KCNH2: variants seen among roughly 807,000 people sequenced by gnomAD.
The protein encoded by KCNH2 is potassium voltage-gated channel subfamily H member 2.
In KCNH2, 35 loss-of-function variants were observed where a neutral mutation model predicts 95.9. The observed-to-expected ratio is 0.37, with a 90% CI of 0.28 to 0.48. KCNH2 has a LOEUF of 0.48. Ranked by LOEUF, KCNH2 falls within the 20% of genes least tolerant of loss-of-function variation. KCNH2 has a pLI of 0.99. For missense variants in KCNH2, 1,274 were observed against 1,702.9 expected (o/e 0.75, Z 4.43); for synonymous variants, 786 against 754.7 (o/e 1.04, Z -0.68).
intron 2 of KCNH2, among the ~76,000 whole-genome samples, chr7:150,974,210 G>A (rs941662934): frequency 3.9e-5 from 6 of 152,202 alleles, no homozygotes; most frequent in Admixed American, 1.3e-4. Context: ...GCAGGAGGGG[G>A]GCAGCAGAGA....
intron 9 of KCNH2, chr7:150,949,604 A>G (rs961319013): frequency 1.6e-5 from 17 of 1,082,964 alleles, no homozygotes; most frequent in Non-Finnish European, 1.8e-5. Context: ...ATGTCCTACC[A>G]TCAACTATGG....
Position 150,962,977 on chromosome 7 carries a change from G to T in KCNH2, c.308-3241C>A, listed in dbSNP as rs879332042. 1.3e-5 allele frequency among the ~76,000 whole-genome samples: 2 copies of T among 152,172 alleles called. No individual in the cohort carries two copies. Among genetic ancestry groups the T allele is most frequent in the African/African-American group, 2.4e-5 (1 of 41,454 alleles). ...TCCATCCCACCACTGGCTGGGTTAT[G>T]GGGGGATGGGAGTCCCTTCACTTGC... is the stretch of plus-strand genomic sequence containing the variant. On this transcript the variant is annotated intron_variant, in intron 2 of 14. Transcript: ENST00000262186. The surrounding 1 kb of genome is among the most constrained non-coding windows in gnomAD (Gnocchi z 5.7).
At position 150,948,476 on chromosome 7, in the gene KCNH2, C is replaced by G. The variant is rs199473432; in HGVS notation, c.2660G>C (p.Arg887Pro). The change falls in exon 11 of 15, where the codon CGC (arginine) becomes CCC (proline). Residue 887 changes from arginine (R) to proline (P), a missense_variant. This residue lies in a region of KCNH2 where 457 missense variants were observed against 416.1 expected (regional missense o/e 1.10). Transcript: ENST00000262186. ...CGTGCGCCTGCGGAAGGACAACTTG[C>G]GCTTGCGTTGCCGACTGAAGCCACC... Reference protein sequence around the residue: ...LEGGFSRQRKRKLSFRRRTDK... With the variant: ...LEGGFSRQRKPKLSFRRRTDK... 1 of 1,538,492 alleles carries G rather than the reference C, an allele frequency of 6.5e-7. No individual in the cohort carries two copies. Among genetic ancestry groups the G allele is most frequent in the Non-Finnish European group, 8.8e-7 (1 of 1,137,538 alleles).
rs794728393 is a variant in KCNH2, at chr7:150,948,954, T to A, written c.2494A>T (p.Lys832Ter). Residue 832 changes from lysine (K) to a stop codon, truncating the protein, a stop_gained, in exon 10 of 15, where the codon AAG becomes TAG. Transcript: ENST00000262186. LOFTEE classifies it high-confidence loss of function. ...TCCAGCAGGTCGTCCCGATGGATCTTGTGTAGGTCACAGTAGGTGAGGGCC... is the reference window on the plus strand; with the variant it reads ...TCCAGCAGGTCGTCCCGATGGATCTAGTGTAGGTCACAGTAGGTGAGGGCC... ...VRALTYCDLH[K>*]IHRDDLLEVL... 6.2e-7 allele frequency: 1 copy of A among 1,614,172 alleles called. No homozygotes were observed. The highest frequency in any genetic ancestry group is 8.5e-7 in the Non-Finnish European group (1 of 1,180,028).
chr7:150,952,601 T>G lies in KCNH2; in HGVS notation c.1381A>C (p.Ile461Leu), dbSNP rs1307068706. Residue 461 changes from isoleucine to leucine, a missense_variant, in exon 6 of 15, where the codon ATC becomes CTC. Around this residue, in one of 7 missense-constraint regions of KCNH2, gnomAD observed 147 missense variants for 344.4 expected, o/e 0.43. Transcript: ENST00000262186. This position sits in a 1 kb window ranked among gnomAD's most constrained non-coding sequence, Gnocchi z 7.3. ...ATGAGGATGTCCACAATGAACATGA[T>G]GTCCACGATGAGGTCCACCACAGCC... is the stretch of plus-strand genomic sequence containing the variant. ...PLAVVDLIVD[I>L]MFIVDILINF... 6.2e-7 allele frequency: 1 copy of G among 1,614,040 alleles called. No homozygotes were observed. Among genetic ancestry groups the G allele is most frequent in the Non-Finnish European group, 8.5e-7 (1 of 1,180,032 alleles).
intron 1 of KCNH2, among the ~76,000 whole-genome samples, chr7:150,975,515 C>T (rs1218948026): frequency 6.6e-6 from 1 of 152,200 alleles, no homozygotes; most frequent in Non-Finnish European, 1.5e-5. Context: ...ACCCCCGCCC[C>T]AAGGGCAGTC....
intron 2 of KCNH2, among the ~76,000 whole-genome samples, chr7:150,973,289 A>G (rs905425384): frequency 3.9e-5 from 6 of 152,246 alleles, no homozygotes; most frequent in African/African-American, 1.4e-4. Context: ...TATATGACAG[A>G]CAGAACAGAG....
intron 5 of KCNH2, among the ~76,000 whole-genome samples, chr7:150,957,028 C>T (rs1220408602): frequency 6.6e-6 from 1 of 152,180 alleles, no homozygotes; most frequent in Non-Finnish European, 1.5e-5. Context: ...CGAAGGCACG[C>T]ACCCCATCCA....
At chr7:150,949,800 G>T in intron 9 of KCNH2, 1 of 1,221,746 alleles carries the variant, frequency 8.2e-7, no homozygotes, top group South Asian at 1.6e-5. Flanking sequence ...CAGGCATGAG[G>T]CTGCAGGGAA....
chr7:150,955,628 A>G, intron 5 of KCNH2: 5 of 1,429,268 alleles, frequency 3.5e-6, no homozygotes, highest in Non-Finnish European at 4.6e-6. Context: ...TGGCAACCAG[A>G]GCAGCCCCTG....
At chr7:150,957,009 C>G (rs2116995714) in intron 5 of KCNH2, among the ~76,000 whole-genome samples, 1 of 152,266 alleles carries the variant, frequency 6.6e-6, no homozygotes, top group East Asian at 1.9e-4. Flanking sequence ...CTGTCCTCAC[C>G]CTGTGCCCCG....
At chr7:150,967,124 C>CA (rs1801726141) in intron 2 of KCNH2, among the ~76,000 whole-genome samples, 1 of 152,038 alleles carries the variant, frequency 6.6e-6, no homozygotes, top group Non-Finnish European at 1.5e-5. Context: ...ACTAAAAATA[C>CA]AAAAATTAGC....
At position 150,945,587 on chromosome 7, in the gene KCNH2, G is replaced by T; in HGVS notation, c.3331-73C>A. The stretch of plus-strand genomic sequence containing the variant: ...AGGAAGGGGAGGGAAAGGGGCAGGA[G>T]AACCCGGGGACAGAGGATGGACGGG... On this transcript the variant is annotated intron_variant, in intron 14 of 14. Coordinates refer to ENST00000262186, the MANE Select transcript of KCNH2 (RefSeq NM_000238.4). The surrounding 1 kb of genome is among the most constrained non-coding windows in gnomAD (Gnocchi z 5.6). 1.4e-6 allele frequency: 2 copies of T among 1,469,366 alleles called. No individual in the cohort carries two copies. The highest frequency in any genetic ancestry group is 1.9e-6 in the Non-Finnish European group (2 of 1,072,522). The allele number at this position is 1,469,366 out of a possible 1,614,324, so 91.0% of individuals were successfully genotyped here. A position where few individuals can be genotyped will look rare whatever the true frequency, so the allele number is the denominator to read the frequency against.
Position 150,959,625 on chromosome 7 carries a change from G to T in KCNH2, c.419C>A (p.Ser140Tyr), listed in dbSNP as rs1287920132. 1 of 1,614,110 alleles carries T rather than the reference G, an allele frequency of 6.2e-7. No homozygotes were observed. The highest frequency in any genetic ancestry group is 1.7e-5 in the Admixed American group (1 of 60,028). Residue 140 changes from serine to tyrosine, a missense_variant, in exon 3 of 15, where the codon TCC (serine) becomes TAC (tyrosine). By Grantham distance (144) the Ser-to-Tyr change is moderately radical. Around this residue, in one of 7 missense-constraint regions of KCNH2, gnomAD observed 392 missense variants for 429.9 expected, o/e 0.91. Coordinates refer to ENST00000262186, the MANE Select transcript of KCNH2 (RefSeq NM_000238.4). The part of the protein sequence containing the change: ...EVVMEKDMVG[S>Y]PAHDTNHRGP... ...CCGGTGGTTGGTGTCATGAGCCGGG[G>T]ACCCCACCATGTCCTTCTCCATCAC...
intron 1 of KCNH2, among the ~76,000 whole-genome samples, 182 bp from the exon 2 acceptor site, chr7:150,975,123 T>G (rs886489136): frequency 6.6e-6 from 1 of 151,790 alleles, no homozygotes; most frequent in Non-Finnish European, 1.5e-5. Context: ...TACAGGTGCC[T>G]GGCCGGCCGG....
intron 5 of KCNH2, among the ~76,000 whole-genome samples, chr7:150,953,143 C>A (rs912779918): frequency 6.6e-6 from 1 of 152,182 alleles, no homozygotes; most frequent in Admixed American, 6.5e-5. Flanking sequence ...TGCTCCCCGC[C>A]GGCAATGCAG....
At chr7:150,955,796 GC>G in intron 5 of KCNH2, 1 of 1,168,518 alleles carries the variant, frequency 8.6e-7, no homozygotes, top group Non-Finnish European at 1.1e-6. Context: ...CCCAGCAGCG[GC>G]CGCACTCGGA....
Position 150,945,584 on chromosome 7 carries a change from G to A in KCNH2, c.3331-70C>T. ...AGGAGGAAGGGGAGGGAAAGGGGCA[G>A]GAGAACCCGGGGACAGAGGATGGAC... is the stretch of plus-strand genomic sequence containing the variant. On this transcript the variant is annotated intron_variant, in intron 14 of 14. Coordinates refer to ENST00000262186, the MANE Select transcript of KCNH2 (RefSeq NM_000238.4). This position sits in a 1 kb window ranked among gnomAD's most constrained non-coding sequence, Gnocchi z 5.6. The A allele has an allele frequency of 6.8e-7, 1 of 1,476,776 alleles. No homozygotes were observed. The highest frequency in any genetic ancestry group is 9.3e-7 in the Non-Finnish European group (1 of 1,079,202). 91.5% of individuals were successfully genotyped at this position (1,476,776 alleles called of 1,614,324 possible).
At position 150,974,914 on chromosome 7, in the gene KCNH2, C is replaced by T. The variant is rs1801941054; in HGVS notation, c.104G>A (p.Arg35Gln). The T allele has an allele frequency of 1.2e-6, 2 of 1,608,776 alleles. No homozygotes were observed. The highest frequency in any genetic ancestry group is 1.7e-6 in the Non-Finnish European group (2 of 1,178,312). The change falls in exon 2 of 15, where the codon CGG becomes CAG. Residue 35 changes from arginine to glutamine, a missense_variant. Arg to Gln is a conservative substitution (Grantham distance 43). Transcript: ENST00000262186. The stretch of plus-strand genomic sequence containing the variant: ...GTAGATGACGGCGCAGTTCTCCACC[C>T]GAGCGTTGGCGATGATGAACTTACG... ...QSRKFIIANA[R>Q]VENCAVIYCN...
Sources: allele counts gnomAD v4.1 joint callset (sites outside exome capture counted in the v4.1 genomes callset), GRCh38; gene constraint gnomAD v4.1.1; regional missense constraint gnomAD v4.1.1; non-coding constraint Gnocchi (gnomAD v3.1); transcripts MANE v1.5; gene names NCBI Gene and HGNC (gene_info 2026-07-23, HGNC 2026-07-21).